Variants in SLC28A1 observed in about 807,000 individuals in gnomAD.
The protein encoded by SLC28A1 is sodium/nucleoside cotransporter 1.
In SLC28A1, 64 loss-of-function variants were observed where a neutral mutation model predicts 74.8. The observed-to-expected ratio is 0.86, with a 90% CI of 0.70 to 1.05. The LOEUF is 1.05. Among genes scored for constraint, SLC28A1 ranks in the 50% least tolerant of loss-of-function variants. SLC28A1 has a pLI of 0.00. For synonymous variants in SLC28A1, 359 were observed against 335.0 expected (o/e 1.07, Z -0.78); for missense variants, 828 against 822.8 (o/e 1.01, Z -0.08).
At chr15:84,891,440 G>A (rs553803696) in intron 5 of SLC28A1, among the ~76,000 whole-genome samples, 1 of 152,312 alleles carries the variant, frequency 6.6e-6, no homozygotes, top group African/African-American at 2.4e-5. Context: ...TGGCAGGAAG[G>A]GGGATAATTA....
At chr15:84,957,558 T>G in the SLC28A1 span, among the ~76,000 whole-genome samples, 1 of 152,138 alleles carries the variant, frequency 6.6e-6, no homozygotes, top group East Asian at 1.9e-4. Context: ...TGAGCCACCA[T>G]GCCTGGCCGA....
chr15:84,947,785 C>T (rs983909080), downstream of SLC28A1, among the ~76,000 whole-genome samples: 3 of 152,096 alleles, frequency 2.0e-5, no homozygotes, highest in Non-Finnish European at 4.4e-5. Context: ...CCAAAGACCC[C>T]CCCTCCTAAT....
the SLC28A1 span, among the ~76,000 whole-genome samples, chr15:84,965,661 T>C: frequency 6.6e-6 from 1 of 152,180 alleles, no homozygotes; most frequent in Non-Finnish European, 1.5e-5. Context: ...CATGCACTTC[T>C]TCTAGGATGA....
chr15:84,924,270 C>A (rs1049184333), intron 12 of SLC28A1, among the ~76,000 whole-genome samples, 160 bp downstream of exon 12: 1 of 151,870 alleles, frequency 6.6e-6, no homozygotes, highest in African/African-American at 2.4e-5. Flanking sequence ...GTGGGCTGGA[C>A]CATTTGCTCG....
chr15:84,923,443 G>T (rs190335513), intron 11 of SLC28A1, among the ~76,000 whole-genome samples: 1 of 152,228 alleles, frequency 6.6e-6, no homozygotes, highest in East Asian at 1.9e-4. Context: ...ATATAACAGT[G>T]CCTGGAACAC....
At position 84,928,414 on chromosome 15, in the gene SLC28A1, C is replaced by T. The variant is rs138406446; in HGVS notation, c.1083+4304C>T. Reference sequence around the variant, plus strand: ...GTCACTGCACCAGCCCTGTACTGCACGCCCTCTAACTTCCTTCCCCAGTCA... The same window carrying T: ...GTCACTGCACCAGCCCTGTACTGCATGCCCTCTAACTTCCTTCCCCAGTCA... On this transcript the variant is annotated intron_variant, in intron 12 of 18. Coordinates refer to ENST00000394573, the MANE Select transcript of SLC28A1 (RefSeq NM_004213.5). Among the ~76,000 whole-genome samples, 1,146 of 151,878 alleles carry T rather than the reference C, an allele frequency of 7.5e-3. 17 individuals are homozygous for T. Among genetic ancestry groups the T allele is most frequent in the African/African-American group, 0.026 (1,092 of 41,392 alleles).
the SLC28A1 span, among the ~76,000 whole-genome samples, chr15:84,951,439 TA>T: frequency 0.037 from 4,249 of 116,118 alleles, 348 homozygotes; most frequent in Admixed American, 0.19. Context: ...AAAAAATAAT[TA>T]AAAAAAAAAA....
intron 12 of SLC28A1, 77 bp from the exon 13 acceptor site, chr15:84,933,068 C>A: frequency 6.6e-7 from 1 of 1,511,638 alleles, no homozygotes; most frequent in African/African-American, 1.4e-5. Flanking sequence ...TGTGCCCTTG[C>A]TGCCCTGGGC....
intron 6 of SLC28A1, among the ~76,000 whole-genome samples, chr15:84,899,662 A>G (rs1337247466): frequency 1.3e-5 from 2 of 152,206 alleles, no homozygotes; most frequent in African/African-American, 4.8e-5. Context: ...TATTTCAAAA[A>G]AGAAGAGGAA....
At chr15:84,898,281 G>T (rs1966225385) in intron 6 of SLC28A1, among the ~76,000 whole-genome samples, 1 of 152,106 alleles carries the variant, frequency 6.6e-6, no homozygotes, top group African/African-American at 2.4e-5. Context: ...AAAGCTGTTA[G>T]AAGATGCATG....
intron 13 of SLC28A1, among the ~76,000 whole-genome samples, chr15:84,933,851 T>C (rs1441805024): frequency 6.6e-6 from 1 of 152,204 alleles, no homozygotes; most frequent in Non-Finnish European, 1.5e-5. Context: ...GGCTCACGCC[T>C]GTAATTCCAG....
chr15:84,906,931 T>C (rs1384453482), intron 8 of SLC28A1, among the ~76,000 whole-genome samples: 1 of 152,212 alleles, frequency 6.6e-6, no homozygotes, highest in Non-Finnish European at 1.5e-5. Flanking sequence ...GATTTTAGAA[T>C]TAGGCAACAC....
intron 11 of SLC28A1, 126 bp from the exon 12 acceptor site, chr15:84,923,859 C>T: frequency 7.9e-7 from 1 of 1,265,746 alleles, no homozygotes; most frequent in Non-Finnish European, 1.1e-6. Context: ...AAGTACAGAC[C>T]CTGGTCCTTA....
rs187414854 is a variant in SLC28A1, at chr15:84,935,307, C to T, written c.1384-14C>T. The T allele has an allele frequency of 3.9e-5, 63 of 1,614,074 alleles. No homozygotes were observed. The highest frequency in any genetic ancestry group is 3.8e-4 in the East Asian group (17 of 44,880). ...GCCCAGCCCTCGGTGCCAGCCATAC[C>T]GTTGTGCCCTCAGCTCATCTGCTCC... On this transcript the variant is annotated splice_polypyrimidine_tract_variant and intron_variant, in intron 14 of 18. Transcript: ENST00000394573.
chr15:84,948,477 G>A (rs1475458360), downstream of SLC28A1, among the ~76,000 whole-genome samples: 1 of 152,054 alleles, frequency 6.6e-6, no homozygotes. Context: ...CCTGACTCAG[G>A]GCAGGCCAAA....
At chr15:84,891,184 A>T (rs1256089434) in intron 5 of SLC28A1, among the ~76,000 whole-genome samples, 1 of 152,128 alleles carries the variant, frequency 6.6e-6, no homozygotes, top group Non-Finnish European at 1.5e-5. Context: ...CCCTGGAAGG[A>T]GGGCAGGAAA....
intron 6 of SLC28A1, among the ~76,000 whole-genome samples, chr15:84,902,504 C>T: frequency 6.6e-6 from 1 of 151,264 alleles, no homozygotes; most frequent in East Asian, 1.9e-4. Flanking sequence ...GCAGACTAAT[C>T]TAGTGGCAGA....
At chr15:84,887,688 A>G (rs1243483674) in intron 2 of SLC28A1, 57 bp from the exon 3 acceptor site, 1 of 1,582,090 alleles carries the variant, frequency 6.3e-7, no homozygotes, top group Non-Finnish European at 8.7e-7. Flanking sequence ...GGGCCCCTAA[A>G]CTGGGCCCTG....
chr15:84,964,356 G>T, the SLC28A1 span, among the ~76,000 whole-genome samples: 1 of 152,128 alleles, frequency 6.6e-6, no homozygotes, highest in Non-Finnish European at 1.5e-5. Flanking sequence ...AAGGAAGATT[G>T]CCCACTCCTT....
Sources: gnomAD v4.1 joint callset for allele counts (sites outside exome capture counted in the v4.1 genomes callset) on GRCh38, gnomAD v4.1.1 for gene constraint, MANE v1.5 for transcripts, NCBI Gene and HGNC (gene_info 2026-07-23, HGNC 2026-07-21) for gene names.